UNC79: variants seen among roughly 807,000 people sequenced by gnomAD.
UNC79 encodes protein unc-79 homolog.
UNC79 carries 37 observed loss-of-function variants against 283.1 expected under a neutral mutation model. The observed-to-expected ratio is 0.13, with a 90% CI of 0.10 to 0.17. The LOEUF is 0.17. Among genes scored for constraint, UNC79 ranks in the 10% least tolerant of loss-of-function variants. The pLI is 1.00. For missense variants in UNC79, 2,272 were observed against 3,211.1 expected (o/e 0.71, Z 7.07); for synonymous variants, 1,107 against 1,200.2 (o/e 0.92, Z 1.61).
chr14:93,523,483 G>T (rs66936586), intron 7 of UNC79, among the ~76,000 whole-genome samples: 11,630 of 152,064 alleles, frequency 0.076, 503 homozygotes, highest in Middle Eastern at 0.14. Flanking sequence ...ACGCTTACTG[G>T]TGCCAAGAAT....
At chr14:93,584,741 G>C (rs1324576574) in intron 20 of UNC79, among the ~76,000 whole-genome samples, 1 of 152,058 alleles carries the variant, frequency 6.6e-6, no homozygotes, top group Non-Finnish European at 1.5e-5. Context: ...GTGTTGCCCA[G>C]GCTGGAGTGC....
At chr14:93,502,209 C>G in intron 7 of UNC79, among the ~76,000 whole-genome samples, 1 of 152,006 alleles carries the variant, frequency 6.6e-6, no homozygotes, top group East Asian at 1.9e-4. Flanking sequence ...GTCAGGAGAT[C>G]GAGACCATCC....
chr14:93,634,668 T>A (rs770696360), intron 31 of UNC79, 31 bp downstream of exon 34: 1 of 1,561,226 alleles, frequency 6.4e-7, no homozygotes, highest in Admixed American at 1.7e-5. Context: ...TCATTCTACC[T>A]CTCGGATTAG....
intron 1 of UNC79, among the ~76,000 whole-genome samples, chr14:93,395,344 T>A (rs2054972310): frequency 6.6e-6 from 1 of 152,202 alleles, no homozygotes; most frequent in African/African-American, 2.4e-5. Context: ...GAAGTTTAAT[T>A]GACTCACAGT....
At chr14:93,595,685 C>T (rs142756881) in intron 23 of UNC79, among the ~76,000 whole-genome samples, 1 of 152,308 alleles carries the variant, frequency 6.6e-6, no homozygotes, top group Non-Finnish European at 1.5e-5. Context: ...TGAGGTCCAC[C>T]TTCTAGGTCC....
intron 1 of UNC79, among the ~76,000 whole-genome samples, chr14:93,370,318 C>A (rs2054416074): frequency 6.6e-6 from 1 of 151,958 alleles, no homozygotes; most frequent in Admixed American, 6.5e-5. Flanking sequence ...AGATTGTGTG[C>A]AAGAACAGAG....
chr14:93,556,022 T>G (rs1393514268), intron 14 of UNC79, among the ~76,000 whole-genome samples: 1 of 152,124 alleles, frequency 6.6e-6, no homozygotes, highest in Non-Finnish European at 1.5e-5. Context: ...TAGGGCCTAG[T>G]AGGTGGGCAC....
rs953210848 is a variant in UNC79 at position 93,688,297 on chromosome 14, G to C, written c.6910-368G>C. On this transcript the variant is annotated intron_variant, in intron 43 of 48. Transcript: ENST00000555664. The surrounding 1 kb of genome is among the most constrained non-coding windows in gnomAD (Gnocchi z 4.0). ...AAGGCAGCACGGACCTGGCCGGGGA[G>C]GTCAGGGAAGGCTTCCCAGAGGAAG... Among the ~76,000 whole-genome samples the C allele has an allele frequency of 6.6e-6, 1 of 152,166 alleles. No homozygotes were observed. The highest frequency in any genetic ancestry group is 1.5e-5 in the Non-Finnish European group (1 of 68,022).
chr14:93,406,539 A>C (rs1283459048), intron 1 of UNC79, among the ~76,000 whole-genome samples: 1 of 152,206 alleles, frequency 6.6e-6, no homozygotes, highest in Admixed American at 6.5e-5. Flanking sequence ...AGTGAACTAT[A>C]ATCATGCCTT....
At chr14:93,528,535 T>C (rs1294571397) in intron 8 of UNC79, 23 bp from the exon 9 acceptor site, 1 of 1,608,100 alleles carries the variant, frequency 6.2e-7, no homozygotes, top group South Asian at 1.1e-5. Flanking sequence ...GGAGAGTTCA[T>C]TCTGTCTTTT....
At chr14:93,680,388 C>A (rs2073747258) in intron 41 of UNC79, among the ~76,000 whole-genome samples, 1 of 152,144 alleles carries the variant, frequency 6.6e-6, no homozygotes, top group South Asian at 2.1e-4. Flanking sequence ...GACTTTAAAC[C>A]ATCCTTATAG....
chr14:93,504,757 G>A (rs534455303), intron 7 of UNC79, among the ~76,000 whole-genome samples: 20 of 151,910 alleles, frequency 1.3e-4, no homozygotes, highest in Non-Finnish European at 2.7e-4. Flanking sequence ...TGGTAGTCTT[G>A]CTTAAAAATT....
In UNC79 at chr14:93,572,099, T is replaced by C; in HGVS notation, c.1946+15T>C. The C allele has an allele frequency of 6.2e-7, 1 of 1,611,350 alleles. No homozygotes were observed. ...GAAGTATTAAGGTGGGTAAGTAGTT[T>C]AATGAAGTCACTGTAATTATAATCA... is the stretch of plus-strand genomic sequence containing the variant. On this transcript the variant is annotated intron_variant, in intron 15 of 48. Transcript: ENST00000555664.
intron 7 of UNC79, among the ~76,000 whole-genome samples, chr14:93,515,789 C>G (rs1324262059): frequency 2.6e-5 from 4 of 151,952 alleles, no homozygotes; most frequent in Non-Finnish European, 4.4e-5. Context: ...AGACTTTTGT[C>G]AACATAATGT....
intron 11 of UNC79, among the ~76,000 whole-genome samples, chr14:93,534,982 A>G (rs1233061344): frequency 1.3e-5 from 2 of 152,264 alleles, no homozygotes; most frequent in African/African-American, 2.4e-5. Flanking sequence ...TTTGTATTCT[A>G]CCTCTTTGTA....
chr14:93,493,901 A>ATATTTTTTTTTTTT (rs1251701550), intron 5 of UNC79, among the ~76,000 whole-genome samples: 1 of 49,252 alleles, frequency 2.0e-5, no homozygotes, highest in Non-Finnish European at 3.3e-5. Context: ...ATATATATAT[A>ATATTTTTTTTTTTT]TTTTTTTTTT....
chr14:93,575,297 A>C, intron 17 of UNC79, 99 bp downstream of exon 17: 1 of 1,481,826 alleles, frequency 6.7e-7, no homozygotes. Flanking sequence ...GAAACCAAAA[A>C]TGTGTTTTCA....
chr14:93,410,991 C>A (rs114087430), intron 1 of UNC79, among the ~76,000 whole-genome samples: 1,694 of 152,178 alleles, frequency 0.011, 32 homozygotes, highest in African/African-American at 0.039. Flanking sequence ...GGGAATAGAG[C>A]ACCAAGCAGG....
At chr14:93,391,528 C>T (rs1170534679) in intron 1 of UNC79, among the ~76,000 whole-genome samples, 3 of 152,104 alleles carry the variant, frequency 2.0e-5, no homozygotes, top group Non-Finnish European at 2.9e-5. Flanking sequence ...AACTGAAGGG[C>T]GTACAAAGGT....
Sources: allele counts gnomAD v4.1 joint callset (sites outside exome capture counted in the v4.1 genomes callset), GRCh38; gene constraint gnomAD v4.1.1; non-coding constraint Gnocchi (gnomAD v3.1); transcripts MANE v1.5; gene names NCBI Gene and HGNC (gene_info 2026-07-23, HGNC 2026-07-21).